The following CDKAL1 variants were observed in gnomAD, a reference collection of about 807,000 sequenced individuals.
CDKAL1 encodes the protein threonylcarbamoyladenosine tRNA methylthiotransferase.
CDKAL1 carries 32 observed loss-of-function variants against 68.2 expected under a neutral mutation model. That is an observed-to-expected ratio of 0.47 (90% CI 0.35 to 0.63). The LOEUF (loss-of-function observed/expected upper bound fraction) is 0.63, where lower values mean the gene tolerates loss of function less well. CDKAL1 is among the 30% of genes least tolerant of loss of function. The pLI is 0.00. For synonymous variants in CDKAL1, 234 were observed against 244.3 expected (o/e 0.96, Z 0.39); for missense variants, 606 against 696.7 (o/e 0.87, Z 1.47).
chr6:20,657,440 G>A (rs1444503497), intron 5 of CDKAL1, among the ~76,000 whole-genome samples: 2 of 152,094 alleles, frequency 1.3e-5, no homozygotes, highest in East Asian at 3.8e-4. Context: ...TTATTCCTGT[G>A]TGTCATCATC....
At chr6:20,677,056 T>C (rs537188477) in intron 5 of CDKAL1, among the ~76,000 whole-genome samples, 10 of 151,300 alleles carry the variant, frequency 6.6e-5, no homozygotes, top group Admixed American at 5.9e-4. Flanking sequence ...TTATGCCTTG[T>C]TTTTTATTTG....
chr6:20,540,102 C>T (rs1763331338), intron 2 of CDKAL1, among the ~76,000 whole-genome samples: 4 of 99,186 alleles, frequency 4.0e-5, no homozygotes, highest in African/African-American at 2.4e-4. Context: ...GAGACAGAGT[C>T]TCACTCTGTT....
chr6:20,949,110 C>T (rs1050732454), intron 9 of CDKAL1, among the ~76,000 whole-genome samples: 4 of 152,082 alleles, frequency 2.6e-5, no homozygotes, highest in African/African-American at 9.7e-5. Context: ...ATTATTAAGG[C>T]AATAAAAAAT....
intron 9 of CDKAL1, among the ~76,000 whole-genome samples, chr6:20,950,444 A>T (rs1429961418): frequency 6.6e-6 from 1 of 152,120 alleles, no homozygotes; most frequent in African/African-American, 2.4e-5. Flanking sequence ...ATTCTCTAAG[A>T]TTATTTTTTT....
At chr6:20,657,591 C>T (rs999031851) in intron 5 of CDKAL1, among the ~76,000 whole-genome samples, 4 of 152,128 alleles carry the variant, frequency 2.6e-5, no homozygotes, top group African/African-American at 9.7e-5. Context: ...AGAAAGATGA[C>T]TCTAAGGGAT....
At chr6:20,663,910 G>A (rs947534373) in intron 5 of CDKAL1, among the ~76,000 whole-genome samples, 2 of 151,800 alleles carry the variant, frequency 1.3e-5, no homozygotes. Context: ...AAAAAATTTA[G>A]GTACAGCTGA....
chr6:21,177,439 T>C (rs977407992), intron 13 of CDKAL1, among the ~76,000 whole-genome samples: 1 of 152,216 alleles, frequency 6.6e-6, no homozygotes, highest in Non-Finnish European at 1.5e-5. Context: ...TTGTAATGAT[T>C]ATGAATTTTT....
intron 8 of CDKAL1, among the ~76,000 whole-genome samples, chr6:20,811,820 C>T (rs879598368): frequency 3.4e-5 from 5 of 148,552 alleles, no homozygotes; most frequent in Non-Finnish European, 7.4e-5. Flanking sequence ...ACTGTTGGCT[C>T]AATTAGGGGC....
intron 12 of CDKAL1, among the ~76,000 whole-genome samples, chr6:21,106,797 C>T (rs1300092083): frequency 6.6e-6 from 1 of 152,180 alleles, no homozygotes; most frequent in Non-Finnish European, 1.5e-5. Context: ...TACTAAGGGA[C>T]AGCTGTACAT....
At chr6:21,044,874 T>A (rs992235583) in intron 11 of CDKAL1, among the ~76,000 whole-genome samples, 11 of 152,180 alleles carry the variant, frequency 7.2e-5, no homozygotes, top group Non-Finnish European at 1.6e-4. Flanking sequence ...TTTCTCACAG[T>A]TCTAGAGGCT....
At chr6:20,997,895 A>C (rs910351713) in intron 10 of CDKAL1, among the ~76,000 whole-genome samples, 1 of 152,218 alleles carries the variant, frequency 6.6e-6, no homozygotes, top group Admixed American at 6.5e-5. Context: ...AAAAGAAAAA[A>C]AATAAAAAAT....
intron 2 of CDKAL1, among the ~76,000 whole-genome samples, chr6:20,542,251 G>T (rs182598473): frequency 3.3e-5 from 5 of 152,316 alleles, no homozygotes; most frequent in African/African-American, 1.2e-4. Flanking sequence ...AAGCTTTGAG[G>T]ACAACTGAAA....
At chr6:21,012,672 AC>A (rs1768086728) in intron 11 of CDKAL1, among the ~76,000 whole-genome samples, 1 of 152,294 alleles carries the variant, frequency 6.6e-6, no homozygotes, top group South Asian at 2.1e-4. Flanking sequence ...GCACTGAAGG[AC>A]GGTCTTTAGT....
chr6:20,602,629 TTA>T (rs1161013811), intron 4 of CDKAL1, among the ~76,000 whole-genome samples: 13 of 152,298 alleles, frequency 8.5e-5, no homozygotes, highest in Admixed American at 2.0e-4. Context: ...GTTACCTGAT[TTA>T]CCTTTCCTTG....
rs200385994 is a variant in CDKAL1, at chr6:20,612,198, T to C, written c.287-37095T>C. Among the ~76,000 whole-genome samples, 14 of 152,352 alleles carry C rather than the reference T, an allele frequency of 9.2e-5. No homozygotes were observed. In the East Asian group the frequency reaches 2.3e-3, roughly 25 times the overall value. On this transcript the variant is annotated intron_variant, in intron 4 of 15. Coordinates refer to ENST00000274695, the MANE Select transcript of CDKAL1 (RefSeq NM_017774.3). ...TTCATAGCTTTGCTATTGTGAGTAG[T>C]GCTGCAGTGAACATGGAAGTGCAGG...
intron 15 of CDKAL1, among the ~76,000 whole-genome samples, chr6:21,226,861 C>T (rs1259557647): frequency 2.6e-5 from 4 of 152,122 alleles, no homozygotes; most frequent in Admixed American, 6.5e-5. Flanking sequence ...TACAGGCTCC[C>T]GCCACCACGC....
At chr6:20,788,881 C>CA (rs1379201471) in intron 8 of CDKAL1, among the ~76,000 whole-genome samples, 1 of 151,860 alleles carries the variant, frequency 6.6e-6, no homozygotes, top group African/African-American at 2.4e-5. Context: ...GTTTGACAAA[C>CA]AAAAAAAATT....
intron 10 of CDKAL1, among the ~76,000 whole-genome samples, chr6:20,959,352 A>G (rs760471928): frequency 3.3e-5 from 5 of 152,240 alleles, no homozygotes; most frequent in Non-Finnish European, 7.3e-5. Context: ...ATGAGCTTAT[A>G]CAATGCTGTA....
At chr6:21,155,156 T>C (rs1380914005) in intron 13 of CDKAL1, among the ~76,000 whole-genome samples, 2 of 152,244 alleles carry the variant, frequency 1.3e-5, no homozygotes, top group African/African-American at 2.4e-5. Flanking sequence ...TGTAAAAAAT[T>C]TTATAATTCG....
Sources: gnomAD v4.1 joint callset for allele counts (sites outside exome capture counted in the v4.1 genomes callset) on GRCh38, gnomAD v4.1.1 for gene constraint, MANE v1.5 for transcripts, NCBI Gene and HGNC (gene_info 2026-07-23, HGNC 2026-07-21) for gene names.